The following UNC13C variants were observed in gnomAD, a reference collection of about 807,000 sequenced individuals.
UNC13C encodes protein unc-13 homolog C.
UNC13C carries 174 observed loss-of-function variants against 245.4 expected under a neutral mutation model. The observed-to-expected ratio is 0.71, with a 90% confidence interval of 0.63 to 0.80. The LOEUF is 0.80. UNC13C is among the 30% of genes least tolerant of loss of function. The pLI, the probability that UNC13C is intolerant of heterozygous loss-of-function variation, is 0.00. For missense variants in UNC13C, 2,829 were observed against 2,602.9 expected (o/e 1.09, Z -1.89); for synonymous variants, 992 against 895.1 (o/e 1.11, Z -1.93).
chr15:54,508,932 G>GA (rs1894605767), intron 23 of UNC13C, among the ~76,000 whole-genome samples: 2 of 152,150 alleles, frequency 1.3e-5, no homozygotes, highest in Non-Finnish European at 2.9e-5. Context: ...GGGCGCGGTG[G>GA]CTCACACCCA....
At chr15:53,873,433 TCTGACCCA>T in the UNC13C span, among the ~76,000 whole-genome samples, 69 of 152,266 alleles carry the variant, frequency 4.5e-4, no homozygotes, top group South Asian at 6.2e-3. Flanking sequence ...ACGATGTCCA[TCTGACCCA>T]CAGGAAACTC....
At chr15:54,086,943 T>A (rs145345856) in intron 2 of UNC13C, among the ~76,000 whole-genome samples, 4,348 of 151,668 alleles carry the variant, frequency 0.029, 137 homozygotes, top group South Asian at 0.14. Flanking sequence ...ACCATCTTGG[T>A]CAGGCTGGTC....
At chr15:53,940,636 G>T in the UNC13C span, among the ~76,000 whole-genome samples, 10 of 152,152 alleles carry the variant, frequency 6.6e-5, no homozygotes, top group Non-Finnish European at 1.5e-4. Flanking sequence ...ATATGAAATC[G>T]ATGTGCAGAA....
intron 2 of UNC13C, among the ~76,000 whole-genome samples, chr15:54,061,170 AAAG>A (rs1897816156): frequency 6.6e-6 from 1 of 152,146 alleles, no homozygotes; most frequent in African/African-American, 2.4e-5. Flanking sequence ...GACAAAAAAA[AAAG>A]AAATTAACAT....
chr15:54,307,894 C>G (rs1018372204), intron 13 of UNC13C, among the ~76,000 whole-genome samples: 4 of 151,920 alleles, frequency 2.6e-5, no homozygotes, highest in Non-Finnish European at 5.9e-5. Context: ...GAATAAAATT[C>G]TAACTTATCA....
chr15:53,868,798 A>G, the UNC13C span, among the ~76,000 whole-genome samples: 3 of 152,192 alleles, frequency 2.0e-5, no homozygotes, highest in African/African-American at 7.2e-5. Flanking sequence ...GAAGTTTTCT[A>G]TAGAGGTCTC....
At chr15:54,500,279 A>G (rs1894144577) in intron 21 of UNC13C, 104 bp downstream of exon 21, 2 of 870,868 alleles carry the variant, frequency 2.3e-6, no homozygotes, top group Non-Finnish European at 3.5e-6. Flanking sequence ...AATTGTTTCC[A>G]TTCCCCAGTG....
chr15:54,495,234 A>G (rs1299739201), intron 20 of UNC13C, among the ~76,000 whole-genome samples: 1 of 152,074 alleles, frequency 6.6e-6, no homozygotes, highest in Non-Finnish European at 1.5e-5. Flanking sequence ...TTTGATATGT[A>G]TTAGAATTCT....
chr15:54,256,454 C>T (rs12907062), intron 8 of UNC13C, among the ~76,000 whole-genome samples: 38,126 of 151,978 alleles, frequency 0.25, 4,931 homozygotes, highest in South Asian at 0.26. Flanking sequence ...TTCAGTCCTC[C>T]GCAGTATGGT....
the UNC13C span, among the ~76,000 whole-genome samples, chr15:53,961,331 C>T: frequency 3.3e-5 from 5 of 152,264 alleles, no homozygotes; most frequent in African/African-American, 9.6e-5. Context: ...TGAATTGCTT[C>T]ACCTCTCAGG....
At chr15:54,055,172 T>C (rs1483857119) in intron 2 of UNC13C, among the ~76,000 whole-genome samples, 2 of 152,222 alleles carry the variant, frequency 1.3e-5, no homozygotes, top group Admixed American at 6.5e-5. Context: ...TGATTTATTA[T>C]ACTAAAATAC....
At chr15:54,562,477 A>G (rs1330318497) in intron 29 of UNC13C, among the ~76,000 whole-genome samples, 1 of 152,048 alleles carries the variant, frequency 6.6e-6, no homozygotes, top group Non-Finnish European at 1.5e-5. Context: ...TTGCCACGTC[A>G]TCTACAATGT....
chr15:53,970,219 A>G, the UNC13C span, among the ~76,000 whole-genome samples: 3 of 151,926 alleles, frequency 2.0e-5, no homozygotes, highest in East Asian at 3.9e-4. Flanking sequence ...AAAGGCATGC[A>G]CCGCCACTCC....
intron 30 of UNC13C, among the ~76,000 whole-genome samples, chr15:54,617,070 C>T (rs1900487067): frequency 6.6e-6 from 1 of 152,000 alleles, no homozygotes; most frequent in Non-Finnish European, 1.5e-5. Context: ...GCTATACCAC[C>T]TAGGTTTGTG....
intron 2 of UNC13C, among the ~76,000 whole-genome samples, chr15:54,071,752 C>T (rs1457808015): frequency 6.6e-6 from 1 of 152,160 alleles, no homozygotes; most frequent in Non-Finnish European, 1.5e-5. Flanking sequence ...TTGAAACAGT[C>T]ATGCCCTTTT....
At chr15:54,235,827 G>A (rs937613678) in intron 5 of UNC13C, among the ~76,000 whole-genome samples, 1 of 152,164 alleles carries the variant, frequency 6.6e-6, no homozygotes, top group African/African-American at 2.4e-5. Context: ...TCCAGCCTGC[G>A]TGACAGAGCG....
At chr15:54,202,387 T>C (rs1383245493) in intron 4 of UNC13C, among the ~76,000 whole-genome samples, 2 of 151,398 alleles carry the variant, frequency 1.3e-5, no homozygotes, top group African/African-American at 4.8e-5. Context: ...GAAGAACAAA[T>C]ATGGAGGCAT....
intron 14 of UNC13C, among the ~76,000 whole-genome samples, chr15:54,329,359 T>C (rs968569706): frequency 5.9e-5 from 9 of 152,012 alleles, no homozygotes; most frequent in African/African-American, 1.7e-4. Flanking sequence ...CCTATTGTGC[T>C]ACCAAACACT....
chr15:54,357,396 T>C (rs905384651), intron 17 of UNC13C, among the ~76,000 whole-genome samples: 1 of 152,070 alleles, frequency 6.6e-6, no homozygotes, highest in African/African-American at 2.4e-5. Flanking sequence ...TTTTCTTCCA[T>C]TATCCAACAG....
Sources: allele counts gnomAD v4.1 joint callset (sites outside exome capture counted in the v4.1 genomes callset), GRCh38; gene constraint gnomAD v4.1.1; transcripts MANE v1.5; gene names NCBI Gene and HGNC (gene_info 2026-07-23, HGNC 2026-07-21).